CCDC102B: variants seen among roughly 807,000 people sequenced by gnomAD.
CCDC102B encodes coiled-coil domain containing 102B.
CCDC102B carries 75 observed loss-of-function variants against 57.4 expected under a neutral mutation model. That is an observed-to-expected ratio of 1.31 (90% CI 1.08 to 1.58). The LOEUF is 1.58. Among genes scored for constraint, CCDC102B ranks in the 40% most tolerant of loss-of-function variants. The pLI is 0.00. For synonymous variants in CCDC102B, 206 were observed against 201.9 expected, an observed-to-expected ratio of 1.02 and a Z score of -0.17; for missense variants, 636 against 582.6, an observed-to-expected ratio of 1.09 and a Z score of -0.94.
At chr18:68,977,661 T>A (rs575281930) in intron 6 of CCDC102B, among the ~76,000 whole-genome samples, 1 of 151,808 alleles carries the variant, frequency 6.6e-6, no homozygotes, top group Admixed American at 6.6e-5. Flanking sequence ...ATGATGATGA[T>A]GACGATGACT....
intron 6 of CCDC102B, among the ~76,000 whole-genome samples, chr18:68,917,826 A>G (rs957456452): frequency 1.8e-4 from 28 of 152,128 alleles, no homozygotes; most frequent in Admixed American, 3.3e-4. Flanking sequence ...AATGTTTTAC[A>G]TTATAATCAG....
At chr18:68,792,323 T>C (rs993391436) in intron 2 of CCDC102B, among the ~76,000 whole-genome samples, 1 of 152,186 alleles carries the variant, frequency 6.6e-6, no homozygotes, top group South Asian at 2.1e-4. Context: ...GCTTAAGTAA[T>C]GTGTCTAACT....
chr18:68,908,928 T>C (rs539624019), intron 6 of CCDC102B, among the ~76,000 whole-genome samples: 31 of 152,264 alleles, frequency 2.0e-4, no homozygotes, highest in Admixed American at 3.3e-4. Flanking sequence ...CTTCTTGTAC[T>C]GATCCAGATC....
At chr18:68,989,059 A>T (rs2050797227) in intron 6 of CCDC102B, among the ~76,000 whole-genome samples, 1 of 152,058 alleles carries the variant, frequency 6.6e-6, no homozygotes, top group South Asian at 2.1e-4. Context: ...TCTAAATACT[A>T]TGCCTCCTAA....
chr18:68,929,884 TCAC>T (rs772687936), intron 6 of CCDC102B, among the ~76,000 whole-genome samples: 1 of 151,776 alleles, frequency 6.6e-6, no homozygotes, highest in Non-Finnish European at 1.5e-5. Flanking sequence ...GTATTTAAAA[TCAC>T]CAACTCTATC....
At chr18:68,972,240 A>G (rs1026936013) in intron 6 of CCDC102B, among the ~76,000 whole-genome samples, 5 of 152,128 alleles carry the variant, frequency 3.3e-5, no homozygotes, top group Non-Finnish European at 7.4e-5. Flanking sequence ...ACCATGAAAA[A>G]AGAGGAGAAA....
At chr18:68,816,610 C>A (rs569175784) in intron 1 of CCDC102B, among the ~76,000 whole-genome samples, 32 of 152,008 alleles carry the variant, frequency 2.1e-4, no homozygotes, top group African/African-American at 7.5e-4. Flanking sequence ...GGACTACAGG[C>A]GCCCGCCACC....
chr18:68,935,983 T>C (rs1568339670), intron 6 of CCDC102B, among the ~76,000 whole-genome samples: 1 of 151,910 alleles, frequency 6.6e-6, no homozygotes, highest in Non-Finnish European at 1.5e-5. Context: ...TCCAAAAACC[T>C]GAAAACCAAA....
At chr18:68,939,102 A>G (rs1384333912) in intron 6 of CCDC102B, among the ~76,000 whole-genome samples, 3 of 151,734 alleles carry the variant, frequency 2.0e-5, no homozygotes, top group African/African-American at 7.2e-5. Context: ...TATCAATTAT[A>G]TTTTCGGACT....
Position 68,992,513 on chromosome 18 carries a change from C to A in CCDC102B, c.1264-18421C>A, listed in dbSNP as rs76822038. On this transcript the variant is annotated intron_variant, in intron 6 of 7. Coordinates refer to ENST00000360242, the MANE Select transcript of CCDC102B (RefSeq NM_024781.3). ...TTTCAATGAACAATGATCCAAGTGT[C>A]ACCTTCCACACGAGTAGAGCAGAAT... Among the ~76,000 whole-genome samples, 905 of 152,288 alleles carry A rather than the reference C, an allele frequency of 5.9e-3. 5 individuals are homozygous for A. Among genetic ancestry groups the A allele is most frequent in the Non-Finnish European group, 1.0e-2 (679 of 68,022 alleles).
intron 6 of CCDC102B, among the ~76,000 whole-genome samples, chr18:68,919,470 GATTA>G (rs1055006921): frequency 6.6e-6 from 1 of 152,124 alleles, no homozygotes; most frequent in African/African-American, 2.4e-5. Context: ...TTATTTTAGA[GATTA>G]ATTACAATTT....
At chr18:68,819,944 T>TA (rs2036630579) in intron 1 of CCDC102B, among the ~76,000 whole-genome samples, 1 of 152,112 alleles carries the variant, frequency 6.6e-6, no homozygotes, top group Non-Finnish European at 1.5e-5. Flanking sequence ...GTAACTTTAC[T>TA]AAAAATCACT....
intron 6 of CCDC102B, among the ~76,000 whole-genome samples, chr18:68,954,143 A>G (rs1236066962): frequency 2.6e-5 from 4 of 152,028 alleles, no homozygotes; most frequent in Non-Finnish European, 5.9e-5. Flanking sequence ...AAGTGACTGG[A>G]TGCAGTGGCT....
intron 2 of CCDC102B, among the ~76,000 whole-genome samples, chr18:68,786,397 A>T (rs199935659): frequency 0.061 from 7,471 of 123,340 alleles, 255 homozygotes; most frequent in Admixed American, 0.1. Flanking sequence ...GATGGCATTG[A>T]ATCTGTAAAT....
At chr18:68,877,452 T>C (rs2039493236) in intron 5 of CCDC102B, among the ~76,000 whole-genome samples, 1 of 152,196 alleles carries the variant, frequency 6.6e-6, no homozygotes, top group Admixed American at 6.5e-5. Context: ...CATTTGAACT[T>C]TTCCTGTAAG....
At chr18:68,891,170 T>C (rs1351987636) in intron 5 of CCDC102B, among the ~76,000 whole-genome samples, 2 of 152,214 alleles carry the variant, frequency 1.3e-5, no homozygotes, top group East Asian at 3.9e-4. Context: ...CTTCTAACAG[T>C]ATTATTATAC....
intron 1 of CCDC102B, among the ~76,000 whole-genome samples, chr18:68,814,427 A>G (rs2036398607): frequency 6.6e-6 from 1 of 152,130 alleles, no homozygotes; most frequent in African/African-American, 2.4e-5. Context: ...AGAGTTGGGT[A>G]ATTAACACTT....
chr18:69,004,864 A>G (rs2051298064), intron 6 of CCDC102B, among the ~76,000 whole-genome samples: 1 of 152,188 alleles, frequency 6.6e-6, no homozygotes, highest in African/African-American at 2.4e-5. Context: ...TATAGACAAT[A>G]CTAAATCACA....
At chr18:69,057,157 G>T (rs1234261805), downstream of CCDC102B, among the ~76,000 whole-genome samples, 1 of 151,930 alleles carries the variant, frequency 6.6e-6, no homozygotes. Context: ...ACTTGTCCAT[G>T]GTTTGTAAAC....
Sources: allele counts gnomAD v4.1 joint callset (sites outside exome capture counted in the v4.1 genomes callset), GRCh38; gene constraint gnomAD v4.1.1; transcripts MANE v1.5; gene names NCBI Gene and HGNC (gene_info 2026-07-23, HGNC 2026-07-21).